NLRC3: variants seen among roughly 807,000 people sequenced by gnomAD.
The protein encoded by NLRC3 is NLR family CARD domain containing 3.
Under a neutral mutation model 91.6 loss-of-function variants are expected in NLRC3, and 87 were observed. The ratio of observed to expected loss-of-function variants is 0.95; its 90% CI spans 0.80 to 1.14. NLRC3 has a LOEUF of 1.14. Among genes scored for constraint, NLRC3 ranks in the 50% most tolerant of loss-of-function variants. The probability of loss-of-function intolerance (pLI) is 0.00; values close to 1 mark genes in which losing one functional copy is unlikely to be tolerated. For missense variants in NLRC3, 1,577 were observed against 1,418.6 expected, an observed-to-expected ratio of 1.11 and a Z score of -1.79; for synonymous variants, 694 against 625.3, an observed-to-expected ratio of 1.11 and a Z score of -1.64.
chr16:3,548,606 T>C, intron 14 of NLRC3, 64 bp downstream of exon 14: 1 of 1,257,296 alleles, frequency 8.0e-7, no homozygotes, highest in Non-Finnish European at 1.1e-6. Context: ...GCATCGTTGG[T>C]TTGGGTGGAG....
chr16:3,577,403 C>T lies in NLRC3; in HGVS notation c.-423G>A, dbSNP rs766947711. On this transcript the variant is annotated 5_prime_UTR_variant, in exon 1 of 20. Transcript: ENST00000359128. Reference sequence around the variant, plus strand: ...AGCCCACCGGCTGTCCCTGTGGCTCCGGGTCCTCACCTCTTCCTGTGCTGG... The same window carrying T: ...AGCCCACCGGCTGTCCCTGTGGCTCTGGGTCCTCACCTCTTCCTGTGCTGG... 529 of 565,860 alleles carry T rather than the reference C, an allele frequency of 9.3e-4. No homozygotes were observed. The highest frequency in any genetic ancestry group is 1.4e-3 in the Non-Finnish European group (458 of 319,328). The allele number at this position is 565,860 out of a possible 1,614,324, so 35.1% of individuals were successfully genotyped here. A position where few individuals can be genotyped will look rare whatever the true frequency, so the allele number is the denominator to read the frequency against.
chr16:3,572,091 G>C (rs1449797853), intron 1 of NLRC3, among the ~76,000 whole-genome samples: 1 of 151,898 alleles, frequency 6.6e-6, no homozygotes, highest in Non-Finnish European at 1.5e-5. Context: ...TCAATAATAA[G>C]TAACCAAACA....
At chr16:3,543,057 C>T in intron 17 of NLRC3, 1 of 509,228 alleles carries the variant, frequency 2.0e-6, no homozygotes, top group Non-Finnish European at 3.5e-6. Context: ...AGGCAGCCCT[C>T]CATCTGGGCA....
At chr16:3,552,730 A>G (rs2039080735) in intron 9 of NLRC3, among the ~76,000 whole-genome samples, 1 of 152,064 alleles carries the variant, frequency 6.6e-6, no homozygotes, top group South Asian at 2.1e-4. Flanking sequence ...TCACGATGTT[A>G]ACAGATCGAG....
At position 3,563,055 on chromosome 16, in the gene NLRC3, C is replaced by T. The variant is rs199475941; in HGVS notation, c.1882G>A (p.Val628Ile). ...ANLSLSLSQG[V>I]LQSLLPQLLY... ...AGCTGGGGCAGCAGGCTCTGAAGGA[C>T]GCCCTGGCTGAGGCTCAGGGACAGG... Residue 628 changes from valine to isoleucine, a missense_variant, in exon 5 of 20, where the codon GTC becomes ATC. Coordinates refer to ENST00000359128, the MANE Select transcript of NLRC3 (RefSeq NM_178844.4). 117 of 1,561,192 alleles carry T rather than the reference C, an allele frequency of 7.5e-5. No homozygotes were observed. In the East Asian group the frequency reaches 1.2e-3, roughly 16 times the overall value.
rs1027310058 is a variant in NLRC3 at position 3,541,713 on chromosome 16, G to GGA, written c.*111_*112insTC. 1.5e-5 allele frequency: 11 copies of GGA among 719,772 alleles called. No individual in the cohort carries two copies. In the African/African-American group the frequency reaches 1.8e-4, roughly 11 times the overall value. 44.6% of individuals were successfully genotyped at this position (719,772 alleles called of 1,614,324 possible). On this transcript the variant is annotated 3_prime_UTR_variant, in exon 20 of 20. Coordinates refer to ENST00000359128, the MANE Select transcript of NLRC3 (RefSeq NM_178844.4). ...TTCCTCCCTGCAGAGCCCGGCTCTC[G>GGA]TGCTGAGCAAGCAGCGTTCCCAGCT...
At chr16:3,556,161 T>C (rs1391168121) in intron 8 of NLRC3, among the ~76,000 whole-genome samples, 1 of 148,736 alleles carries the variant, frequency 6.7e-6, no homozygotes, top group African/African-American at 2.4e-5. Context: ...AAAGCTCGTC[T>C]CTACTAAAAA....
At chr16:3,547,178 C>T (rs1394933571) in intron 15 of NLRC3, among the ~76,000 whole-genome samples, 2 of 152,282 alleles carry the variant, frequency 1.3e-5, no homozygotes, top group South Asian at 2.1e-4. Context: ...AGAAATGAAA[C>T]CTGTGTACCC....
intron 6 of NLRC3, among the ~76,000 whole-genome samples, chr16:3,560,605 T>C (rs942314655): frequency 3.9e-5 from 6 of 152,170 alleles, no homozygotes; most frequent in Non-Finnish European, 5.9e-5. Flanking sequence ...ACATTCACCA[T>C]GTGAACTTTT....
intron 6 of NLRC3, among the ~76,000 whole-genome samples, chr16:3,560,984 T>G (rs1226300300): frequency 2.0e-5 from 3 of 151,906 alleles, no homozygotes; most frequent in Non-Finnish European, 4.4e-5. Flanking sequence ...AATTAAAAAT[T>G]GTTTAAATTG....
chr16:3,548,700 A>T lies in NLRC3; in HGVS notation c.2657T>A (p.Val886Glu), dbSNP rs780611785. The T allele has an allele frequency of 1.1e-5, 17 of 1,599,868 alleles. 1 individual carries two copies. The South Asian group carries it at 1.9e-4, about 18-fold the overall frequency. Residue 886 changes from valine (V) to glutamate (E), a missense_variant, in exon 14 of 20, where the codon GTG becomes GAG. By Grantham distance (121) the Val-to-Glu change is moderately radical (BLOSUM62 -2). Coordinates refer to ENST00000359128, the MANE Select transcript of NLRC3 (RefSeq NM_178844.4). ...GGAGGTGAGGGTGCGGTTTTCTCTC[A>T]CTGCCACTGCGATGGCCCGGGCACC... ...DQGARAIAVA[V>E]RENRTLTSLH...
Position 3,564,435 on chromosome 16 carries a change from C to A in NLRC3, c.502G>T (p.Gly168Cys). The A allele has an allele frequency of 6.2e-7, 1 of 1,612,764 alleles. No homozygotes were observed. The highest frequency in any genetic ancestry group is 8.5e-7 in the Non-Finnish European group (1 of 1,179,876). ...GGCAGCACCAGCGAGAAGTCCTTGC[C>A]GACCTGCCCATGGGCCCAGAGGCGG... is the stretch of plus-strand genomic sequence containing the variant. ...FVRLWAHGQV[G>C]KDFSLVLPLT... is the part of the protein sequence containing the mutation. Residue 168 changes from glycine (G) to cysteine (C), a missense_variant, in exon 5 of 20, where the codon GGC becomes TGC. Gly to Cys is a radical substitution (Grantham distance 159). Transcript: ENST00000359128. This position sits in a 1 kb window ranked among gnomAD's most constrained non-coding sequence, Gnocchi z 5.9.
Position 3,557,716 on chromosome 16 carries a change from G to C in NLRC3, c.2016-40C>G, listed in dbSNP as rs373476960. 13 of 1,309,870 alleles carry C rather than the reference G, an allele frequency of 9.9e-6. No individual in the cohort carries two copies. The African/African-American group carries it at 1.6e-4, about 16-fold the overall frequency. The allele number at this position is 1,309,870 out of a possible 1,614,324, so 81.1% of individuals were successfully genotyped here. On this transcript the variant is annotated intron_variant, in intron 6 of 19. Transcript: ENST00000359128. ...GGAGAGGAGTGGTTATTTTAGGCAT[G>C]CACATCTCATGGCCTCTTCCTCAAC...
At position 3,577,168 on chromosome 16, in the gene NLRC3, C is replaced by T; in HGVS notation, c.-188G>A. ...ACTTACCTCCCGGGCCTCGATGCTGCTCCAGGGACAGCAAGACTGGGGGGC... is the reference window on the plus strand; with the variant it reads ...ACTTACCTCCCGGGCCTCGATGCTGTTCCAGGGACAGCAAGACTGGGGGGC... On this transcript the variant is annotated 5_prime_UTR_variant, in exon 1 of 20. Coordinates refer to ENST00000359128, the MANE Select transcript of NLRC3 (RefSeq NM_178844.4). The T allele has an allele frequency of 1.4e-6, 1 of 703,062 alleles. No homozygotes were observed. Among genetic ancestry groups the T allele is most frequent in the East Asian group, 2.7e-5 (1 of 37,282 alleles). The allele number at this position is 703,062 out of a possible 1,614,324, so 43.6% of individuals were successfully genotyped here.
chr16:3,564,569 G>A lies in NLRC3; in HGVS notation c.368C>T (p.Ala123Val), dbSNP rs945320846. 1.2e-6 allele frequency: 2 copies of A among 1,611,666 alleles called. No homozygotes were observed. The highest frequency in any genetic ancestry group is 1.7e-5 in the Admixed American group (1 of 59,970). The change falls in exon 5 of 20, where the codon GCC (alanine) becomes GTC (valine). Residue 123 changes from alanine (A) to valine (V), a missense_variant. By Grantham distance (64) the Ala-to-Val change is moderately conservative (BLOSUM62 0). Coordinates refer to ENST00000359128, the MANE Select transcript of NLRC3 (RefSeq NM_178844.4). This position sits in a 1 kb window ranked among gnomAD's most constrained non-coding sequence, Gnocchi z 5.9. ...GAGAGGCAGGAAGAGCCGGTCCAGG[G>A]CGACGGTCCTGGCGGGGTGCCCGCC... ...RGGGHPARTV[A>V]LDRLFLPLSR...
In NLRC3 at chr16:3,569,263, G is replaced by A. The variant is rs118055250; in HGVS notation, c.-168-1939C>T. Among the ~76,000 whole-genome samples the A allele has an allele frequency of 1.6e-3, 218 of 140,636 alleles. No homozygotes were observed. The East Asian group carries it at 0.04, about 26-fold the overall frequency. 92.3% of individuals were successfully genotyped at this position (140,636 alleles called of 152,430 possible). A position where few individuals can be genotyped will look rare whatever the true frequency, so the allele number is the denominator to read the frequency against. The stretch of plus-strand genomic sequence containing the variant: ...CGAGAGGAGGAGGTTGCAGTGAGGC[G>A]AAAACGCACCACTGCACTCCAGCCG... On this transcript the variant is annotated intron_variant, in intron 1 of 19. Coordinates refer to ENST00000359128, the MANE Select transcript of NLRC3 (RefSeq NM_178844.4).
chr16:3,557,809 G>T, intron 6 of NLRC3, 133 bp from the exon 7 acceptor site: 3 of 632,178 alleles, frequency 4.7e-6, no homozygotes, highest in Admixed American at 5.1e-5. Flanking sequence ...TGGAGATGAG[G>T]TGACCCCTGG....
At position 3,557,013 on chromosome 16, in the gene NLRC3, A is replaced by G. The variant is rs757263765; in HGVS notation, c.2100-19T>C. On this transcript the variant is annotated intron_variant, in intron 7 of 19. Coordinates refer to ENST00000359128, the MANE Select transcript of NLRC3 (RefSeq NM_178844.4). ...GCGGAGGCTGAAGGAAGAGAGAAAG[A>G]GACACCTCCTTCATCTGTCTCCCAG... 28 of 1,552,200 alleles carry G rather than the reference A, an allele frequency of 1.8e-5. No individual in the cohort carries two copies. Among genetic ancestry groups the G allele is most frequent in the Non-Finnish European group, 2.4e-5 (27 of 1,123,794 alleles).
intron 2 of NLRC3, among the ~76,000 whole-genome samples, 193 bp from the exon 3 acceptor site, chr16:3,565,573 A>G (rs1420649111): frequency 6.6e-6 from 1 of 151,154 alleles, no homozygotes; most frequent in Non-Finnish European, 1.5e-5. Flanking sequence ...AAGTATGGAG[A>G]CAGGAAGACA....
Sources: allele counts gnomAD v4.1 joint callset (sites outside exome capture counted in the v4.1 genomes callset), GRCh38; gene constraint gnomAD v4.1.1; non-coding constraint Gnocchi (gnomAD v3.1); transcripts MANE v1.5; gene names NCBI Gene and HGNC (gene_info 2026-07-23, HGNC 2026-07-21).